ZNF407: variants seen among roughly 807,000 people sequenced by gnomAD.
The protein encoded by ZNF407 is zinc finger protein 407.
Under a neutral mutation model 131.2 loss-of-function variants are expected in ZNF407, and 17 were observed. The observed-to-expected ratio is 0.13, with a 90% confidence interval of 0.09 to 0.19. The LOEUF (loss-of-function observed/expected upper bound fraction) is 0.19, where lower values mean the gene tolerates loss of function less well. Ranked by LOEUF, ZNF407 falls within the 10% of genes least tolerant of loss-of-function variation. The pLI is 1.00. For missense variants in ZNF407, 2,681 were observed against 2,830.6 expected, an observed-to-expected ratio of 0.95 and a Z score of 1.20; for synonymous variants, 1,156 against 1,062.0, an observed-to-expected ratio of 1.09 and a Z score of -1.72.
In ZNF407 at chr18:74,623,085, AGT is replaced by A. The variant is rs557215333; in HGVS notation, c.-53-7876_-53-7875del. Among the ~76,000 whole-genome samples the A allele has an allele frequency of 4.0e-3, 596 of 149,334 alleles. 1 individual carries two copies. The highest frequency in any genetic ancestry group is 0.014 in the African/African-American group (551 of 40,150). Reference sequence around the variant, plus strand: ...GTGAAGATATGTGTGTATCTGTATCAGTGTGTGAGTGCGTGTGTATCTGAGTG... The same window carrying A: ...GTGAAGATATGTGTGTATCTGTATCAGTGTGAGTGCGTGTGTATCTGAGTG... On this transcript the variant is annotated intron_variant, in intron 1 of 8. Transcript: ENST00000299687.
intron 8 of ZNF407, among the ~76,000 whole-genome samples, chr18:75,033,695 A>G (rs1973272535): frequency 6.6e-6 from 1 of 152,242 alleles, no homozygotes; most frequent in Non-Finnish European, 1.5e-5. Flanking sequence ...GTTAATCATC[A>G]TAGCTGGCCC....
At chr18:74,605,926 G>T (rs1982786316) in intron 1 of ZNF407, among the ~76,000 whole-genome samples, 1 of 152,204 alleles carries the variant, frequency 6.6e-6, no homozygotes, top group South Asian at 2.1e-4. Flanking sequence ...GGAGACTGCG[G>T]TCCTTGGGTT....
chr18:74,893,361 G>C (rs1329244931), intron 7 of ZNF407, among the ~76,000 whole-genome samples: 1 of 152,158 alleles, frequency 6.6e-6, no homozygotes, highest in Non-Finnish European at 1.5e-5. Context: ...ATTAATGAAA[G>C]TAAATGGTTT....
chr18:74,776,449 G>A (rs1040390956), intron 3 of ZNF407, among the ~76,000 whole-genome samples: 1 of 152,126 alleles, frequency 6.6e-6, no homozygotes, highest in Non-Finnish European at 1.5e-5. Flanking sequence ...TTAGTGGTCC[G>A]GTAAGATTAG....
intron 3 of ZNF407, among the ~76,000 whole-genome samples, chr18:74,735,986 A>G (rs1035278906): frequency 3.3e-5 from 5 of 152,200 alleles, no homozygotes; most frequent in African/African-American, 7.2e-5. Flanking sequence ...GGCAAACTCT[A>G]TGTACTCCTG....
At chr18:74,630,815 T>C (rs1482528645) in intron 1 of ZNF407, 152 bp from the exon 2 acceptor site, 1 of 488,666 alleles carries the variant, frequency 2.0e-6, no homozygotes, top group Non-Finnish European at 3.4e-6. Context: ...CTTCATACTT[T>C]TTGATAAAAG....
chr18:74,902,364 C>T (rs1359210845), intron 7 of ZNF407, among the ~76,000 whole-genome samples: 5 of 152,242 alleles, frequency 3.3e-5, no homozygotes, highest in South Asian at 4.2e-4. Context: ...GCTCAGATCC[C>T]GGAGGAGATT....
At chr18:74,949,498 A>G (rs1972189837) in intron 8 of ZNF407, among the ~76,000 whole-genome samples, 1 of 152,178 alleles carries the variant, frequency 6.6e-6, no homozygotes, top group Non-Finnish European at 1.5e-5. Context: ...TCATTTGTTC[A>G]CGTCTTTGAG....
At chr18:74,800,128 TAA>T (rs1185958487) in intron 4 of ZNF407, among the ~76,000 whole-genome samples, 1 of 151,944 alleles carries the variant, frequency 6.6e-6, no homozygotes, top group Admixed American at 6.6e-5. Context: ...TTTCCATTTT[TAA>T]AGTCATGGAA....
At chr18:74,679,025 T>TG (rs1966917894) in intron 3 of ZNF407, among the ~76,000 whole-genome samples, 1 of 148,612 alleles carries the variant, frequency 6.7e-6, no homozygotes, top group Admixed American at 6.8e-5. Context: ...TTCTGGAAAA[T>TG]GATGGGTAGA....
intron 8 of ZNF407, among the ~76,000 whole-genome samples, chr18:74,989,094 GTAAA>G (rs1972687842): frequency 6.6e-6 from 1 of 152,178 alleles, no homozygotes; most frequent in African/African-American, 2.4e-5. Flanking sequence ...CAAAAGATAA[GTAAA>G]TAAACAAGTT....
chr18:75,029,414 C>T (rs73971351), intron 8 of ZNF407, among the ~76,000 whole-genome samples: 10,790 of 152,286 alleles, frequency 0.071, 631 homozygotes, highest in African/African-American at 0.15. Context: ...AGACTCCTCT[C>T]ATACTCCTGG....
intron 8 of ZNF407, among the ~76,000 whole-genome samples, chr18:74,976,396 C>T (rs1031297991): frequency 6.6e-6 from 1 of 152,142 alleles, no homozygotes; most frequent in Admixed American, 6.5e-5. Context: ...CTCCTTTGTG[C>T]TGCAAGGCGA....
At chr18:74,693,441 G>A (rs1320979149) in intron 3 of ZNF407, among the ~76,000 whole-genome samples, 1 of 152,094 alleles carries the variant, frequency 6.6e-6, no homozygotes, top group Non-Finnish European at 1.5e-5. Flanking sequence ...TTTATAGTGG[G>A]TGTCTGCTGG....
At chr18:75,028,183 G>A (rs1013301614) in intron 8 of ZNF407, among the ~76,000 whole-genome samples, 12 of 152,208 alleles carry the variant, frequency 7.9e-5, no homozygotes, top group Non-Finnish European at 1.3e-4. Context: ...GTCAGTTTGC[G>A]AGGGCTGCCG....
chr18:74,733,591 AGTATAAAGT>A (rs1968343703), intron 3 of ZNF407, among the ~76,000 whole-genome samples: 1 of 152,204 alleles, frequency 6.6e-6, no homozygotes, highest in East Asian at 1.9e-4. Context: ...CTAGTCAAGA[AGTATAAAGT>A]CTGAAAAGTG....
At chr18:74,903,016 C>A (rs1198359380) in intron 7 of ZNF407, among the ~76,000 whole-genome samples, 1 of 152,166 alleles carries the variant, frequency 6.6e-6, no homozygotes, top group Non-Finnish European at 1.5e-5. Context: ...AATTTTATGG[C>A]TGCCCTTGCC....
chr18:74,844,772 T>A (rs756911888), intron 4 of ZNF407, among the ~76,000 whole-genome samples: 7 of 152,090 alleles, frequency 4.6e-5, no homozygotes, highest in Non-Finnish European at 1.0e-4. Context: ...TAAGGTCCTG[T>A]CCTAGGGAAT....
chr18:74,710,174 A>G (rs982372352), intron 3 of ZNF407, among the ~76,000 whole-genome samples: 4 of 152,186 alleles, frequency 2.6e-5, no homozygotes, highest in Non-Finnish European at 1.5e-5. Context: ...TTAAGTTTTC[A>G]TGATTTTTGC....
Sources: allele counts gnomAD v4.1 joint callset (sites outside exome capture counted in the v4.1 genomes callset), GRCh38; gene constraint gnomAD v4.1.1; transcripts MANE v1.5; gene names NCBI Gene and HGNC (gene_info 2026-07-23, HGNC 2026-07-21).